POLK: variants seen among roughly 807,000 people sequenced by gnomAD.
POLK encodes polymerase (DNA directed) kappa.
In POLK, 76 loss-of-function variants were observed where a neutral mutation model predicts 94.0. That is an observed-to-expected ratio of 0.81 (90% CI 0.67 to 0.98). The LOEUF (loss-of-function observed/expected upper bound fraction) is 0.98. Among genes scored for constraint, POLK ranks in the 50% least tolerant of loss-of-function variants. POLK has a pLI of 0.00. For missense variants in POLK, 954 were observed against 1,010.1 expected, an observed-to-expected ratio of 0.94 and a Z score of 0.75; for synonymous variants, 349 against 325.4, an observed-to-expected ratio of 1.07 and a Z score of -0.78.
At chr5:75,551,397 C>T (rs1770324058) in intron 2 of POLK, among the ~76,000 whole-genome samples, 1 of 151,504 alleles carries the variant, frequency 6.6e-6, no homozygotes, top group Non-Finnish European at 1.5e-5. Flanking sequence ...TGAGACCCCA[C>T]CCCCCAACCT....
In POLK at chr5:75,560,491, G is replaced by A. The variant is rs190888567; in HGVS notation, c.255+7900G>A. The stretch of plus-strand genomic sequence containing the variant: ...CAGTGCTAGGACCCGAACCAAAGCC[G>A]TTATTCTATTTTTTGTTTCTTTAAA... On this transcript the variant is annotated intron_variant, in intron 3 of 14. Coordinates refer to ENST00000241436, the Ensembl canonical transcript of POLK. 3.9e-5 allele frequency among the ~76,000 whole-genome samples: 6 copies of A among 152,066 alleles called. No individual in the cohort carries two copies. The East Asian group carries it at 7.7e-4, about 20-fold the overall frequency.
At chr5:75,603,654 A>G (rs919547606), downstream of POLK, among the ~76,000 whole-genome samples, 1 of 152,180 alleles carries the variant, frequency 6.6e-6, no homozygotes, top group Non-Finnish European at 1.5e-5. Flanking sequence ...ATCACTGTCC[A>G]TGATGCACTC....
At chr5:75,546,044 T>G (rs1351674128) in intron 1 of POLK, among the ~76,000 whole-genome samples, 3 of 152,180 alleles carry the variant, frequency 2.0e-5, no homozygotes, top group Admixed American at 2.0e-4. Flanking sequence ...ATAGTACAGA[T>G]GACCTTTGAA....
chr5:75,573,667 T>C, intron 4 of POLK, 71 bp from the exon 5 acceptor site: 1 of 1,234,432 alleles, frequency 8.1e-7, no homozygotes, highest in Non-Finnish European at 1.2e-6. Context: ...AATGTGTTTC[T>C]TATGAATGCA....
Position 75,576,763 on chromosome 5 carries a change from T to G in POLK, c.541-17T>G. On this transcript the variant is annotated splice_polypyrimidine_tract_variant and intron_variant, in intron 5 of 14. Coordinates refer to ENST00000241436, the Ensembl canonical transcript of POLK. ...CTATCACAGCAAAATTTAAACTTTTTTTTGTTTCCTTTGAAGGTTAAGGAA... is the reference window on the plus strand; with the variant it reads ...CTATCACAGCAAAATTTAAACTTTTGTTTGTTTCCTTTGAAGGTTAAGGAA... The G allele has an allele frequency of 7.0e-7, 1 of 1,433,908 alleles. No individual in the cohort carries two copies. Among genetic ancestry groups the G allele is most frequent in the Non-Finnish European group, 9.3e-7 (1 of 1,081,000 alleles). The allele number at this position is 1,433,908 out of a possible 1,614,324, so 88.8% of individuals were successfully genotyped here.
At chr5:75,609,041 C>G in the POLK span, 2 of 152,186 alleles carry the variant, frequency 1.3e-5, no homozygotes, top group Non-Finnish European at 2.9e-5. Flanking sequence ...GGCTAAGTTT[C>G]ACATAATGCA....
In POLK at chr5:75,568,659, T is replaced by C. The variant is rs185913720; in HGVS notation, c.256-681T>C. On this transcript the variant is annotated intron_variant, in intron 3 of 14. Coordinates refer to ENST00000241436, the Ensembl canonical transcript of POLK. ...GAAGAATAAATTACAGCTTGGGTTT[T>C]AAATTTTACTTGTATAGATTAACAT... 7.9e-4 allele frequency: 345 copies of C among 438,036 alleles called. 2 individuals are homozygous for C. The highest frequency in any genetic ancestry group is 4.8e-3 in the Admixed American group (181 of 38,036). 27.1% of individuals were successfully genotyped at this position (438,036 alleles called of 1,614,324 possible). A position where few individuals can be genotyped will look rare whatever the true frequency, so the allele number is the denominator to read the frequency against.
At chr5:75,527,243 A>G (rs543240290) in intron 1 of POLK, among the ~76,000 whole-genome samples, 83 of 152,230 alleles carry the variant, frequency 5.5e-4, no homozygotes, top group Non-Finnish European at 9.0e-4. Context: ...GGCAAGGTGC[A>G]GTGGTTCACA....
chr5:75,524,893 C>G (rs988518441), intron 1 of POLK, among the ~76,000 whole-genome samples: 26 of 152,190 alleles, frequency 1.7e-4, no homozygotes, highest in Admixed American at 1.4e-3. Flanking sequence ...ATTCTAAATG[C>G]TGTATAATAG....
chr5:75,596,248 G>A, exon 13 of POLK: 1 of 1,598,108 alleles, frequency 6.3e-7, no homozygotes, highest in Non-Finnish European at 8.5e-7. Context: ...TTTTCCCAAT[G>A]AAGAGGACAG....
chr5:75,596,929 T>C (rs2112898318), exon 13 of POLK: 1 of 1,613,524 alleles, frequency 6.2e-7, no homozygotes, highest in Middle Eastern at 1.7e-4. Context: ...TCAGAATTCT[T>C]CTTCTACTGT....
At chr5:75,512,303 C>T (rs1768080925) in intron 1 of POLK, 1 of 152,508 alleles carries the variant, frequency 6.6e-6, no homozygotes, top group Non-Finnish European at 1.5e-5. Context: ...TTCTCACAAG[C>T]ACGCACTTCG....
At chr5:75,574,923 G>A (rs190886141) in intron 5 of POLK, among the ~76,000 whole-genome samples, 13 of 152,310 alleles carry the variant, frequency 8.5e-5, no homozygotes, top group Non-Finnish European at 1.6e-4. Flanking sequence ...CAAAAGTTTA[G>A]TAAGAAAAGG....
intron 1 of POLK, among the ~76,000 whole-genome samples, chr5:75,542,309 C>T (rs183358959): frequency 2.5e-4 from 38 of 152,066 alleles, no homozygotes; most frequent in Admixed American, 3.9e-4. Context: ...TCTCTCTTCC[C>T]GCCACCTCTC....
chr5:75,607,781 T>A, the POLK span, among the ~76,000 whole-genome samples: 1 of 152,192 alleles, frequency 6.6e-6, no homozygotes, highest in Non-Finnish European at 1.5e-5. Flanking sequence ...TTCCTATTAA[T>A]TATAGCTGAA....
chr5:75,566,396 A>G (rs746736969), intron 3 of POLK, among the ~76,000 whole-genome samples: 2 of 152,132 alleles, frequency 1.3e-5, no homozygotes, highest in Non-Finnish European at 2.9e-5. Context: ...TCTGGCGTTC[A>G]GGCACCACTG....
intron 1 of POLK, among the ~76,000 whole-genome samples, chr5:75,534,609 C>T (rs1184285956): frequency 6.6e-6 from 1 of 152,166 alleles, no homozygotes; most frequent in South Asian, 2.1e-4. Context: ...TAAGTTTCTT[C>T]ATAGGTCTCT....
chr5:75,596,779 T>A (rs1299364572), exon 13 of POLK: 2 of 1,612,108 alleles, frequency 1.2e-6, no homozygotes, highest in African/African-American at 2.7e-5. Flanking sequence ...TAAAGAAATA[T>A]CTTCAGTAGA....
chr5:75,558,656 A>T (rs1259387167), intron 3 of POLK, among the ~76,000 whole-genome samples: 5 of 151,852 alleles, frequency 3.3e-5, no homozygotes, highest in Non-Finnish European at 7.4e-5. Flanking sequence ...CTTCTTTAAA[A>T]TTTTTTTTGT....
Sources: allele counts gnomAD v4.1 joint callset (sites outside exome capture counted in the v4.1 genomes callset), GRCh38; gene constraint gnomAD v4.1.1; transcripts MANE v1.5; gene names NCBI Gene and HGNC (gene_info 2026-07-23, HGNC 2026-07-21).